The following CA10 variants were observed in gnomAD, a reference collection of about 807,000 sequenced individuals.
CA10 encodes carbonic anhydrase 10 (inactive), also known as carbonic anhydrase-related protein 10.
A neutral mutation model predicts 44.2 loss-of-function variants in CA10; 14 were observed. The observed-to-expected ratio is 0.32, with a 90% CI of 0.21 to 0.50. The LOEUF is 0.50. CA10 is among the 20% of genes least tolerant of loss of function. CA10 has a pLI of 0.99. For synonymous variants in CA10, 159 were observed against 141.6 expected (o/e 1.12, Z -0.87); for missense variants, 350 against 409.7 (o/e 0.85, Z 1.26).
intron 1 of CA10, among the ~76,000 whole-genome samples, chr17:52,096,967 T>G (rs1037272306): frequency 6.6e-6 from 1 of 152,234 alleles, no homozygotes; most frequent in Non-Finnish European, 1.5e-5. Context: ...TTAACTGCAA[T>G]GTATAAATGA....
At chr17:52,074,910 T>C (rs755736589) in intron 1 of CA10, among the ~76,000 whole-genome samples, 6 of 152,152 alleles carry the variant, frequency 3.9e-5, no homozygotes, top group Non-Finnish European at 7.4e-5. Context: ...TGTTTTGACA[T>C]GTTAAAATTA....
intron 3 of CA10, among the ~76,000 whole-genome samples, chr17:51,773,725 T>C (rs989120147): frequency 3.3e-5 from 5 of 152,256 alleles, no homozygotes; most frequent in African/African-American, 1.2e-4. Context: ...TTCGATGAAC[T>C]GTAGCTATCA....
chr17:51,769,550 T>C (rs1401691365), intron 3 of CA10, among the ~76,000 whole-genome samples: 1 of 152,170 alleles, frequency 6.6e-6, no homozygotes. Flanking sequence ...AATAAAACCC[T>C]GACATCAGTC....
In CA10 at chr17:52,081,673, G is replaced by A. The variant is rs373748290; in HGVS notation, c.62-9280C>T. On this transcript the variant is annotated intron_variant, in intron 1 of 8. Transcript: ENST00000451037. Reference sequence around the variant, plus strand: ...AAATTAGCCGGGCGTAGTGGTGGGCGCCTGTAGTCCCAGCTACTTGGGAGG... The same window carrying A: ...AAATTAGCCGGGCGTAGTGGTGGGCACCTGTAGTCCCAGCTACTTGGGAGG... 7.2e-5 allele frequency among the ~76,000 whole-genome samples: 11 copies of A among 151,934 alleles called. No individual in the cohort carries two copies. The East Asian group carries it at 1.6e-3, about 21-fold the overall frequency.
rs149308716 is a variant in CA10 at position 51,679,496 on chromosome 17, C to T, written c.466-25760G>A. ...CAGGATGGTCTTGATCTCCTGACCT[C>T]GTGATCTGCCCGCCTTGGCCTCCCA... On this transcript the variant is annotated intron_variant, in intron 4 of 8. Transcript: ENST00000451037. 6.1e-3 allele frequency among the ~76,000 whole-genome samples: 930 copies of T among 151,590 alleles called. 7 individuals are homozygous for T. The highest frequency in any genetic ancestry group is 0.021 in the African/African-American group (888 of 41,334).
rs371042916 is a variant in CA10, at chr17:51,775,882, C to T, written c.280-28064G>A. ...TGGTACTTGGGAACCTGAAGGGAGG[C>T]AGGTGTGGCTGAAACAGAGAAACAG... On this transcript the variant is annotated intron_variant, in intron 3 of 8. Coordinates refer to ENST00000451037, the MANE Select transcript of CA10 (RefSeq NM_020178.5). 5.1e-4 allele frequency among the ~76,000 whole-genome samples: 77 copies of T among 152,186 alleles called. 2 individuals carry two copies. In the East Asian group the frequency reaches 9.9e-3, roughly 20 times the overall value.
At chr17:51,931,642 CT>C (rs1366749824) in intron 2 of CA10, among the ~76,000 whole-genome samples, 2 of 152,084 alleles carry the variant, frequency 1.3e-5, no homozygotes, top group East Asian at 1.9e-4. Context: ...TATGAGCCCC[CT>C]AATCAATGCC....
intron 2 of CA10, chr17:52,070,509 A>G (rs1404744553): frequency 6.6e-6 from 1 of 152,178 alleles, no homozygotes; most frequent in Non-Finnish European, 1.5e-5. Context: ...CTGGGTAGGT[A>G]ACTTGCTGAC....
intron 3 of CA10, among the ~76,000 whole-genome samples, chr17:51,765,730 T>TGTGTGG (rs1442847788): frequency 6.6e-6 from 1 of 151,166 alleles, no homozygotes; most frequent in Non-Finnish European, 1.5e-5. Flanking sequence ...TGTGTATGTG[T>TGTGTGG]GTGTGCATGC....
At chr17:51,633,374 CA>C in intron 8 of CA10, 101 bp downstream of exon 8, 1 of 1,144,240 alleles carries the variant, frequency 8.7e-7, no homozygotes, top group East Asian at 2.4e-5. Flanking sequence ...TTACAGTCAT[CA>C]TTCCTATAAT....
intron 2 of CA10, among the ~76,000 whole-genome samples, chr17:51,966,324 C>G (rs1233528111): frequency 1.3e-5 from 2 of 151,870 alleles, no homozygotes; most frequent in Non-Finnish European, 2.9e-5. Context: ...TATTATACTA[C>G]CAATGTTATT....
chr17:51,705,445 G>A (rs1915733830), intron 4 of CA10, among the ~76,000 whole-genome samples: 1 of 152,118 alleles, frequency 6.6e-6, no homozygotes, highest in Non-Finnish European at 1.5e-5. Context: ...AAGGAACTGG[G>A]TCTAGTTTGC....
intron 2 of CA10, among the ~76,000 whole-genome samples, chr17:52,021,945 G>C (rs1250099507): frequency 1.3e-5 from 2 of 152,040 alleles, no homozygotes; most frequent in African/African-American, 2.4e-5. Flanking sequence ...CCCAGGACCA[G>C]GTGGATTCAC....
chr17:52,063,333 A>G (rs1987442167), intron 2 of CA10, among the ~76,000 whole-genome samples: 2 of 152,200 alleles, frequency 1.3e-5, no homozygotes, highest in Admixed American at 1.3e-4. Flanking sequence ...GAACAAGTTA[A>G]GACTTTCGGG....
intron 1 of CA10, among the ~76,000 whole-genome samples, chr17:52,126,205 T>C (rs766828775): frequency 3.3e-5 from 5 of 152,204 alleles, no homozygotes; most frequent in Non-Finnish European, 7.3e-5. Flanking sequence ...TGTTATAAAA[T>C]AACATTCTAA....
chr17:51,793,851 A>G (rs1906611742), intron 3 of CA10, among the ~76,000 whole-genome samples: 1 of 152,136 alleles, frequency 6.6e-6, no homozygotes, highest in Non-Finnish European at 1.5e-5. Context: ...GTTATCATTT[A>G]CCTACCTGCT....
At position 52,073,852 on chromosome 17, in the gene CA10, G is replaced by A. The variant is rs116064089; in HGVS notation, c.62-1459C>T. 3.1e-3 allele frequency among the ~76,000 whole-genome samples: 475 copies of A among 152,202 alleles called. 2 individuals are homozygous for A. The highest frequency in any genetic ancestry group is 0.011 in the African/African-American group (437 of 41,536). On this transcript the variant is annotated intron_variant, in intron 1 of 8. Coordinates refer to ENST00000451037, the MANE Select transcript of CA10 (RefSeq NM_020178.5). Reference sequence around the variant, plus strand: ...GTTCTGTCCAACCAGGGAGTCAGGCGGAAGATTCAACTGAGACTCTGGGAA... The same window carrying A: ...GTTCTGTCCAACCAGGGAGTCAGGCAGAAGATTCAACTGAGACTCTGGGAA...
At chr17:51,943,925 A>C (rs1159359401) in intron 2 of CA10, among the ~76,000 whole-genome samples, 1 of 152,164 alleles carries the variant, frequency 6.6e-6, no homozygotes, top group Non-Finnish European at 1.5e-5. Context: ...ACAAACATTC[A>C]AATGTTGCCT....
chr17:52,124,073 T>C (rs1989068952), intron 1 of CA10, among the ~76,000 whole-genome samples: 1 of 152,226 alleles, frequency 6.6e-6, no homozygotes, highest in African/African-American at 2.4e-5. Flanking sequence ...TTGTTCAAGA[T>C]AGTATACAAC....
Sources: allele counts gnomAD v4.1 joint callset (sites outside exome capture counted in the v4.1 genomes callset), GRCh38; gene constraint gnomAD v4.1.1; transcripts MANE v1.5; gene names NCBI Gene and HGNC (gene_info 2026-07-23, HGNC 2026-07-21).